DTNA: variants seen among roughly 807,000 people sequenced by gnomAD.
DTNA encodes dystrophin-related protein 3.
In DTNA, 43 loss-of-function variants were observed where a neutral mutation model predicts 100.7. That is an observed-to-expected ratio of 0.43 (90% CI 0.33 to 0.55). The LOEUF is 0.55. DTNA is among the 20% of genes least tolerant of loss of function. The probability of loss-of-function intolerance (pLI) is 0.04; values close to 1 mark genes in which losing one functional copy is unlikely to be tolerated. For synonymous variants in DTNA, 349 were observed against 347.9 expected, an observed-to-expected ratio of 1.00 and a Z score of -0.04; for missense variants, 798 against 953.9, an observed-to-expected ratio of 0.84 and a Z score of 2.15.
chr18:34,782,931 G>T (rs372930145), intron 3 of DTNA, among the ~76,000 whole-genome samples: 6 of 152,136 alleles, frequency 3.9e-5, no homozygotes, highest in African/African-American at 1.4e-4. Flanking sequence ...GCTTTTACAA[G>T]CCTAGATTAG....
chr18:34,613,622 C>A (rs1306789261), intron 1 of DTNA, among the ~76,000 whole-genome samples: 1 of 152,174 alleles, frequency 6.6e-6, no homozygotes, highest in Non-Finnish European at 1.5e-5. Context: ...GGAGGAAGAT[C>A]AAATTAGCCA....
intron 11 of DTNA, among the ~76,000 whole-genome samples, chr18:34,836,617 C>T (rs2096152063): frequency 7.0e-6 from 1 of 142,104 alleles, no homozygotes; most frequent in African/African-American, 2.7e-5. Context: ...CACTGCACTC[C>T]AGCCTGTGCA....
At chr18:34,569,910 AAATAAT>A (rs961626180) in intron 1 of DTNA, among the ~76,000 whole-genome samples, 1 of 151,170 alleles carries the variant, frequency 6.6e-6, no homozygotes, top group African/African-American at 2.5e-5. Context: ...CACACACACA[AAATAAT>A]AATAATAATA....
intron 2 of DTNA, 43 bp from the exon 3 acceptor site, chr18:34,765,918 T>C (rs777206389): frequency 2.5e-6 from 4 of 1,585,502 alleles, no homozygotes; most frequent in South Asian, 2.2e-5. Context: ...AATTTCTTTC[T>C]GCACACATGG....
intron 1 of DTNA, among the ~76,000 whole-genome samples, chr18:34,502,692 T>C (rs2040056066): frequency 6.6e-6 from 1 of 152,238 alleles, no homozygotes; most frequent in African/African-American, 2.4e-5. Context: ...TTATTGACTT[T>C]TAGTTTGATT....
chr18:34,515,161 G>C, intron 1 of DTNA, among the ~76,000 whole-genome samples: 1 of 151,946 alleles, frequency 6.6e-6, no homozygotes, highest in Non-Finnish European at 1.5e-5. Flanking sequence ...CGTCAGCTCT[G>C]ACCCATTCCA....
chr18:34,676,439 A>G (rs2077408413), intron 1 of DTNA, among the ~76,000 whole-genome samples: 1 of 152,148 alleles, frequency 6.6e-6, no homozygotes, highest in Non-Finnish European at 1.5e-5. Context: ...TAAAGAATAC[A>G]GTATTTTTAT....
At chr18:34,500,563 A>G (rs1568543335) in intron 1 of DTNA, among the ~76,000 whole-genome samples, 1 of 151,576 alleles carries the variant, frequency 6.6e-6, no homozygotes, top group Non-Finnish European at 1.5e-5. Flanking sequence ...TCCCCGATTC[A>G]AGCAGTTCTC....
At chr18:34,756,164 A>G in intron 2 of DTNA, 121 bp downstream of exon 2, 10 of 1,197,300 alleles carry the variant, frequency 8.4e-6, no homozygotes, top group Non-Finnish European at 1.1e-5. Flanking sequence ...AGTTCCTTTC[A>G]TGAAGTGTAC....
At chr18:34,867,686 C>G in intron 17 of DTNA, 6 of 986,594 alleles carry the variant, frequency 6.1e-6, no homozygotes, top group Non-Finnish European at 6.0e-6. Context: ...CTTGGGGATA[C>G]TTTCCAGGCC....
At chr18:34,536,252 T>C (rs1184727810) in intron 1 of DTNA, among the ~76,000 whole-genome samples, 1 of 152,018 alleles carries the variant, frequency 6.6e-6, no homozygotes, top group Non-Finnish European at 1.5e-5. Flanking sequence ...AAACTAAATG[T>C]AAATTTGTCT....
At chr18:34,607,958 C>G (rs2579809) in intron 1 of DTNA, among the ~76,000 whole-genome samples, 2 of 151,966 alleles carry the variant, frequency 1.3e-5, no homozygotes, top group African/African-American at 2.4e-5. Context: ...AAATGCAAGA[C>G]AGAGGATTAT....
intron 5 of DTNA, among the ~76,000 whole-genome samples, chr18:34,806,907 A>G (rs1324396848): frequency 6.6e-6 from 1 of 150,874 alleles, no homozygotes; most frequent in Non-Finnish European, 1.5e-5. Context: ...AACCAACGAC[A>G]CACTGGGGAT....
At chr18:34,861,793 G>C (rs557976964) in intron 16 of DTNA, among the ~76,000 whole-genome samples, 1 of 152,186 alleles carries the variant, frequency 6.6e-6, no homozygotes, top group South Asian at 2.1e-4. Context: ...GATTACTACT[G>C]TAAGATAAAT....
chr18:34,538,968 C>T (rs554607819), intron 1 of DTNA, among the ~76,000 whole-genome samples: 11 of 151,966 alleles, frequency 7.2e-5, no homozygotes, highest in African/African-American at 2.7e-4. Context: ...ACAAATACCA[C>T]ACTCAGAGAA....
At chr18:34,593,705 A>AT (rs1431718449) in intron 1 of DTNA, among the ~76,000 whole-genome samples, 1 of 152,114 alleles carries the variant, frequency 6.6e-6, no homozygotes. Flanking sequence ...CAGAAAGAGG[A>AT]TTTTTGCTTA....
At chr18:34,723,637 G>T (rs1162887089) in intron 1 of DTNA, among the ~76,000 whole-genome samples, 1 of 152,136 alleles carries the variant, frequency 6.6e-6, no homozygotes, top group Non-Finnish European at 1.5e-5. Context: ...GGTGGCTCAG[G>T]CCTGTAATCC....
upstream of DTNA, chr18:34,709,306 A>G (rs973709879): frequency 1.3e-5 from 2 of 152,192 alleles, no homozygotes; most frequent in South Asian, 4.1e-4. Flanking sequence ...ATGTAAGCTA[A>G]GTTTGGGAAA....
At chr18:34,615,894 C>T (rs1212196695) in intron 1 of DTNA, among the ~76,000 whole-genome samples, 1 of 152,172 alleles carries the variant, frequency 6.6e-6, no homozygotes, top group African/African-American at 2.4e-5. Flanking sequence ...CAGCTCCATC[C>T]ATGTTGCTGC....
Sources: gnomAD v4.1 joint callset for allele counts (sites outside exome capture counted in the v4.1 genomes callset) on GRCh38, gnomAD v4.1.1 for gene constraint, MANE v1.5 for transcripts, NCBI Gene and HGNC (gene_info 2026-07-23, HGNC 2026-07-21) for gene names.